PHF20: variants seen among roughly 807,000 people sequenced by gnomAD.
PHF20 encodes PHD finger protein 20, also known as glioma-expressed antigen 2.
In PHF20, 23 loss-of-function variants were observed where a neutral mutation model predicts 113.5. The ratio of observed to expected loss-of-function variants is 0.20; its 90% CI spans 0.15 to 0.29. The LOEUF (loss-of-function observed/expected upper bound fraction) is 0.29, where lower values mean the gene tolerates loss of function less well. PHF20 is among the 10% of genes least tolerant of loss of function. The probability of loss-of-function intolerance (pLI) is 1.00; values close to 1 mark genes in which losing one functional copy is unlikely to be tolerated. For missense variants in PHF20, 943 were observed against 1,219.6 expected, an observed-to-expected ratio of 0.77 and a Z score of 3.38; for synonymous variants, 434 against 457.3, an observed-to-expected ratio of 0.95 and a Z score of 0.65.
intron 2 of PHF20, among the ~76,000 whole-genome samples, chr20:35,830,005 C>T (rs2042331227): frequency 6.6e-6 from 1 of 152,116 alleles, no homozygotes; most frequent in Non-Finnish European, 1.5e-5. Flanking sequence ...CGTCTGCCTC[C>T]TGGGTTCAAG....
chr20:35,815,453 C>T (rs958996503), intron 2 of PHF20, among the ~76,000 whole-genome samples: 2 of 151,876 alleles, frequency 1.3e-5, no homozygotes, highest in Non-Finnish European at 2.9e-5. Context: ...GTGGCATGTG[C>T]CTGTAATTCT....
chr20:35,887,808 A>T (rs34608364), intron 9 of PHF20: 2 of 128,890 alleles, frequency 1.6e-5, no homozygotes, highest in Non-Finnish European at 3.3e-5. Flanking sequence ...AGACTGAATT[A>T]AAAAAAAAAA....
chr20:35,889,263 C>T (rs1196400880), intron 9 of PHF20, among the ~76,000 whole-genome samples: 2 of 152,060 alleles, frequency 1.3e-5, no homozygotes, highest in East Asian at 1.9e-4. Context: ...ATTCGCCCAC[C>T]TTGTCCTCCC....
chr20:35,936,166 G>A lies in PHF20; in HGVS notation c.2301-2531G>A, dbSNP rs745763471. On this transcript the variant is annotated intron_variant, in intron 15 of 17. Coordinates refer to ENST00000374012, the MANE Select transcript of PHF20 (RefSeq NM_016436.5). ...AGAGCAGGTCTGTACTATGGTTCGTGTGTTCCATGTTAACAGGTAGTGGAC... is the reference window on the plus strand; with the variant it reads ...AGAGCAGGTCTGTACTATGGTTCGTATGTTCCATGTTAACAGGTAGTGGAC... Among the ~76,000 whole-genome samples, 14 of 152,148 alleles carry A rather than the reference G, an allele frequency of 9.2e-5. 1 individual carries two copies. The highest frequency in any genetic ancestry group is 5.9e-4 in the Admixed American group (9 of 15,266).
At chr20:35,892,160 C>T (rs2061719048) in intron 9 of PHF20, among the ~76,000 whole-genome samples, 1 of 151,388 alleles carries the variant, frequency 6.6e-6, no homozygotes, top group African/African-American at 2.4e-5. Context: ...CAGGTTCAAG[C>T]GATTCTCCTG....
chr20:35,905,423 A>G (rs1040697451), intron 10 of PHF20, among the ~76,000 whole-genome samples: 4 of 152,134 alleles, frequency 2.6e-5, no homozygotes, highest in African/African-American at 9.7e-5. Flanking sequence ...GCAATAATTA[A>G]GTTTAAATGA....
intron 1 of PHF20, among the ~76,000 whole-genome samples, chr20:35,791,217 C>T (rs950431578): frequency 6.6e-6 from 1 of 152,026 alleles, no homozygotes; most frequent in Non-Finnish European, 1.5e-5. Context: ...ATCACTGTAG[C>T]AGCAGTGATG....
intron 6 of PHF20, among the ~76,000 whole-genome samples, chr20:35,868,880 C>A (rs934661835): frequency 2.0e-5 from 3 of 152,056 alleles, no homozygotes; most frequent in Non-Finnish European, 2.9e-5. Flanking sequence ...CACTTGAGGT[C>A]AGGAATTTGA....
chr20:35,892,089 G>A (rs112837668), intron 9 of PHF20, among the ~76,000 whole-genome samples: 8,719 of 150,766 alleles, frequency 0.058, 399 homozygotes, highest in African/African-American at 0.13. Context: ...GGACAGTCTC[G>A]TTCTTTCGCC....
Position 35,935,030 on chromosome 20 carries a change from AT to A in PHF20, c.2300+3598del, listed in dbSNP as rs931763078. On this transcript the variant is annotated intron_variant, in intron 15 of 17. Coordinates refer to ENST00000374012, the MANE Select transcript of PHF20 (RefSeq NM_016436.5). Reference sequence around the variant, plus strand: ...CTTAGCTATATTTCTTTAAAAAAAAATTTTTTTTTTTTAAGAGATGGAGTCT... The same window carrying A: ...CTTAGCTATATTTCTTTAAAAAAAAATTTTTTTTTTTAAGAGATGGAGTCT... Among the ~76,000 whole-genome samples, 390 of 147,942 alleles carry A rather than the reference AT, an allele frequency of 2.6e-3. 2 individuals carry two copies. Among genetic ancestry groups the A allele is most frequent in the African/African-American group, 8.8e-3 (356 of 40,468 alleles).
intron 9 of PHF20, chr20:35,878,852 G>A (rs1325542735): frequency 3.9e-5 from 18 of 463,972 alleles, no homozygotes; most frequent in East Asian, 7.1e-5. Flanking sequence ...ATGGTAACAC[G>A]GCATTTTGAA....
chr20:35,863,181 G>C lies in PHF20; in HGVS notation c.589G>C (p.Glu197Gln). Reference protein sequence around the residue: ...TEKRPKQPDKEGKLICSEKGK... With the variant: ...TEKRPKQPDKQGKLICSEKGK... Reference sequence around the variant, plus strand: ...AAAGCGACCCAAGCAGCCTGATAAAGAAGGAAAGTTAATCTGTTCTGAAAA... The same window carrying C: ...AAAGCGACCCAAGCAGCCTGATAAACAAGGAAAGTTAATCTGTTCTGAAAA... Residue 197 changes from glutamate to glutamine, a missense_variant, in exon 6 of 18, where the codon GAA becomes CAA. Coordinates refer to ENST00000374012, the MANE Select transcript of PHF20 (RefSeq NM_016436.5). The C allele has an allele frequency of 1.9e-6, 3 of 1,613,532 alleles. No individual in the cohort carries two copies. Among genetic ancestry groups the C allele is most frequent in the Non-Finnish European group, 2.5e-6 (3 of 1,179,918 alleles).
intron 5 of PHF20, among the ~76,000 whole-genome samples, chr20:35,858,744 TG>T (rs1423304478): frequency 6.6e-6 from 1 of 151,316 alleles, no homozygotes; most frequent in Admixed American, 6.6e-5. Context: ...CTAATTTTTT[TG>T]TATTTTTAGT....
At chr20:35,849,867 G>T (rs1218577796) in intron 4 of PHF20, among the ~76,000 whole-genome samples, 4 of 152,150 alleles carry the variant, frequency 2.6e-5, no homozygotes, top group African/African-American at 9.7e-5. Flanking sequence ...AGAAGGCTTG[G>T]TCTGATTTTC....
At chr20:35,881,704 A>G (rs1374411444) in intron 9 of PHF20, among the ~76,000 whole-genome samples, 1 of 152,074 alleles carries the variant, frequency 6.6e-6, no homozygotes, top group Non-Finnish European at 1.5e-5. Context: ...TTTTTATTCT[A>G]TATGCTTTTT....
At chr20:35,857,587 GT>G (rs1319742171) in intron 4 of PHF20, among the ~76,000 whole-genome samples, 130 of 56,436 alleles carry the variant, frequency 2.3e-3, no homozygotes, top group African/African-American at 7.9e-3. Flanking sequence ...TTTTTTTTTT[GT>G]TTTTTTTTTG....
chr20:35,925,271 T>C (rs2147103395), intron 13 of PHF20, among the ~76,000 whole-genome samples: 1 of 151,784 alleles, frequency 6.6e-6, no homozygotes, highest in Non-Finnish European at 1.5e-5. Context: ...TTTTTTTTTT[T>C]TTTTCTGATA....
intron 9 of PHF20, among the ~76,000 whole-genome samples, chr20:35,876,023 G>A (rs765339573): frequency 2.0e-5 from 3 of 152,164 alleles, no homozygotes; most frequent in Non-Finnish European, 2.9e-5. Flanking sequence ...GAGTCTAGGG[G>A]AAAAGGATGA....
chr20:35,833,187 A>G (rs896710622), intron 2 of PHF20, among the ~76,000 whole-genome samples: 7 of 151,710 alleles, frequency 4.6e-5, no homozygotes, highest in African/African-American at 1.7e-4. Flanking sequence ...ATTTCTGTTC[A>G]TTCTCCTTGT....
Sources: allele counts gnomAD v4.1 joint callset (sites outside exome capture counted in the v4.1 genomes callset), GRCh38; gene constraint gnomAD v4.1.1; transcripts MANE v1.5; gene names NCBI Gene and HGNC (gene_info 2026-07-23, HGNC 2026-07-21).